USO1: variants seen among roughly 807,000 people sequenced by gnomAD.
USO1 encodes general vesicular transport factor p115.
Under a neutral mutation model 124.5 loss-of-function variants are expected in USO1, and 57 were observed. That is an observed-to-expected ratio of 0.46 (90% CI 0.37 to 0.57). The LOEUF (loss-of-function observed/expected upper bound fraction) is 0.57. Among genes scored for constraint, USO1 ranks in the 20% least tolerant of loss-of-function variants. The probability of loss-of-function intolerance (pLI) is 0.00; values close to 1 mark genes in which losing one functional copy is unlikely to be tolerated. For missense variants in USO1, 900 were observed against 1,040.6 expected, an observed-to-expected ratio of 0.86 and a Z score of 1.86; for synonymous variants, 369 against 362.8, an observed-to-expected ratio of 1.02 and a Z score of -0.19.
Position 75,813,216 on chromosome 4 carries a change from A to G in USO1, c.2810A>G (p.Glu937Gly). The G allele has an allele frequency of 6.2e-7, 1 of 1,608,834 alleles. No individual in the cohort carries two copies. Residue 937 changes from glutamate (E) to glycine (G), a missense_variant, in exon 24 of 24, where the codon GAG (glutamate) becomes GGG (glycine). Around this residue, in one of 2 missense-constraint regions of USO1, gnomAD observed 362 missense variants for 359.0 expected, o/e 1.01. Coordinates refer to ENST00000514213, the MANE Select transcript of USO1 (RefSeq NM_003715.4). ...LKDLGHPVEE[E>G]DELESGDQED... ...GTCTTTTTCCTCTAGGTTGAAGAAG[A>G]GGATGAACTTGAATCTGGAGACCAA...
rs895076517 is a variant in USO1, at chr4:75,813,762, T to A, written c.*467T>A. ...TTATTTAAAAGCAAGATAGCCTGGG[T>A]TGGGAGTTAGTGCATATCATCAGCC... On this transcript the variant is annotated 3_prime_UTR_variant, in exon 24 of 24. Coordinates refer to ENST00000514213, the MANE Select transcript of USO1 (RefSeq NM_003715.4). The A allele has an allele frequency of 6.5e-6, 1 of 152,760 alleles. No individual in the cohort carries two copies. The highest frequency in any genetic ancestry group is 2.4e-5 in the African/African-American group (1 of 41,372). The allele number at this position is 152,760 out of a possible 1,614,324, so 9.5% of individuals were successfully genotyped here.
intron 7 of USO1, among the ~76,000 whole-genome samples, chr4:75,774,193 C>T (rs967239156): frequency 6.6e-6 from 1 of 152,126 alleles, no homozygotes; most frequent in East Asian, 1.9e-4. Flanking sequence ...GACTTAGAAT[C>T]AAGTTTTGGG....
intron 10 of USO1, among the ~76,000 whole-genome samples, chr4:75,787,773 T>A (rs1488262598): frequency 2.0e-5 from 3 of 152,196 alleles, no homozygotes; most frequent in South Asian, 2.1e-4. Flanking sequence ...TCATGTCACC[T>A]CATAATTATT....
intron 4 of USO1, among the ~76,000 whole-genome samples, chr4:75,763,879 TA>T (rs2149163243): frequency 6.6e-6 from 1 of 152,326 alleles, no homozygotes; most frequent in South Asian, 2.1e-4. Context: ...AACTTTTAGA[TA>T]TTAGTGTAGT....
chr4:75,805,363 C>CTT, intron 19 of USO1, 60 bp downstream of exon 19: 47 of 1,090,854 alleles, frequency 4.3e-5, no homozygotes, highest in South Asian at 1.9e-4. Flanking sequence ...ATTATCCTGC[C>CTT]TTTTTTTTTT....
chr4:75,772,942 CA>C (rs2149169149), intron 7 of USO1, among the ~76,000 whole-genome samples: 2 of 152,058 alleles, frequency 1.3e-5, no homozygotes, highest in South Asian at 4.2e-4. Context: ...ACTAAAAATA[CA>C]AAAAATTAAC....
chr4:75,762,164 C>CTTTTTTTTTTTTTTTTTTTTTTTTT (rs375866579), intron 4 of USO1, among the ~76,000 whole-genome samples: 2 of 70,156 alleles, frequency 2.9e-5, no homozygotes, highest in Non-Finnish European at 5.2e-5. Context: ...AACAATTTTA[C>CTTTTTTTTTTTTTTTTTTTTTTTTT]TTTTTTTTTT....
chr4:75,733,563 C>T (rs1459718939), intron 1 of USO1, among the ~76,000 whole-genome samples: 1 of 152,122 alleles, frequency 6.6e-6, no homozygotes, highest in Non-Finnish European at 1.5e-5. Context: ...TTGCATTTGT[C>T]AGATGATTTA....
intron 4 of USO1, among the ~76,000 whole-genome samples, chr4:75,758,926 CAAT>C (rs1314862023): frequency 6.6e-6 from 1 of 152,110 alleles, no homozygotes; most frequent in African/African-American, 2.4e-5. Context: ...GTTATTTCTA[CAAT>C]GAGAAAATTA....
intron 1 of USO1, 125 bp downstream of exon 1, chr4:75,725,010 C>A: frequency 1.0e-6 from 1 of 962,902 alleles, no homozygotes; most frequent in Non-Finnish European, 1.6e-6. Context: ...TGCCGCCTCC[C>A]CCTTTGCCCT....
chr4:75,789,968 G>C (rs1722480775), intron 10 of USO1, among the ~76,000 whole-genome samples, 182 bp from the exon 11 acceptor site: 2 of 150,210 alleles, frequency 1.3e-5, no homozygotes, highest in African/African-American at 4.9e-5. Flanking sequence ...TAAAAAGTGG[G>C]ATATAAGATT....
intron 4 of USO1, among the ~76,000 whole-genome samples, chr4:75,758,750 A>G (rs1210220735): frequency 2.0e-5 from 3 of 152,146 alleles, no homozygotes; most frequent in African/African-American, 4.8e-5. Flanking sequence ...AAATTTCTCC[A>G]TGATATCTAT....
chr4:75,763,298 T>G (rs1284017169), intron 4 of USO1, among the ~76,000 whole-genome samples: 2 of 152,214 alleles, frequency 1.3e-5, no homozygotes, highest in Non-Finnish European at 2.9e-5. Flanking sequence ...TACGATGGTG[T>G]GAAAGCAATA....
Position 75,801,135 on chromosome 4 carries a change from G to A in USO1, c.1921G>A (p.Val641Met). ...SSEEDKKEEEVKKTLEQHDNI... is the reference protein window; with the variant it reads ...SSEEDKKEEEMKKTLEQHDNI... ...TGAAGAAGATAAAAAAGAAGAAGAG[G>A]TGAAAAAAACATTAGAACAGCATGA... is the stretch of plus-strand genomic sequence containing the variant. Residue 641 changes from valine (V) to methionine (M), a missense_variant, in exon 17 of 24, where the codon GTG becomes ATG. Around this residue, in one of 2 missense-constraint regions of USO1, gnomAD observed 362 missense variants for 359.0 expected, o/e 1.01. Coordinates refer to ENST00000514213, the MANE Select transcript of USO1 (RefSeq NM_003715.4). 1 of 1,608,512 alleles carries A rather than the reference G, an allele frequency of 6.2e-7. No individual in the cohort carries two copies. Among genetic ancestry groups the A allele is most frequent in the East Asian group, 2.2e-5 (1 of 44,550 alleles).
At chr4:75,809,669 G>C (rs999015632) in intron 21 of USO1, among the ~76,000 whole-genome samples, 2 of 152,170 alleles carry the variant, frequency 1.3e-5, no homozygotes, top group African/African-American at 2.4e-5. Flanking sequence ...CATGTTCCTA[G>C]TTTTCATCTG....
At chr4:75,796,619 T>G (rs1722688611) in intron 13 of USO1, among the ~76,000 whole-genome samples, 1 of 152,124 alleles carries the variant, frequency 6.6e-6, no homozygotes, top group African/African-American at 2.4e-5. Flanking sequence ...ATTACAGGTG[T>G]GAGACACCGC....
At chr4:75,800,913 C>T (rs1156825948) in intron 16 of USO1, 114 bp downstream of exon 16, 3 of 1,450,148 alleles carry the variant, frequency 2.1e-6, no homozygotes, top group South Asian at 3.0e-5. Flanking sequence ...TATTTTCTTC[C>T]TAGCTCTTGA....
intron 3 of USO1, among the ~76,000 whole-genome samples, chr4:75,755,833 T>G (rs1041886427): frequency 2.6e-5 from 4 of 152,108 alleles, no homozygotes; most frequent in African/African-American, 9.7e-5. Flanking sequence ...AGTTAAGGAC[T>G]TTGACCCTGG....
chr4:75,749,642 C>T (rs912749243), intron 1 of USO1, among the ~76,000 whole-genome samples: 1 of 149,402 alleles, frequency 6.7e-6, no homozygotes, highest in African/African-American at 2.5e-5. Context: ...AAAGTACATT[C>T]TTTAGTAAGT....
Sources: gnomAD v4.1 joint callset for allele counts (sites outside exome capture counted in the v4.1 genomes callset) on GRCh38, gnomAD v4.1.1 for gene constraint, gnomAD v4.1.1 regional missense constraint, MANE v1.5 for transcripts, NCBI Gene and HGNC (gene_info 2026-07-23, HGNC 2026-07-21) for gene names.